DLG2: variants seen among roughly 807,000 people sequenced by gnomAD.
The protein encoded by DLG2 is discs large MAGUK scaffold protein 2, also known as disks large homolog 2.
Under a neutral mutation model 132.5 loss-of-function variants are expected in DLG2, and 45 were observed. The observed-to-expected ratio is 0.34, with a 90% confidence interval of 0.27 to 0.44. The LOEUF (loss-of-function observed/expected upper bound fraction) is 0.44, where lower values mean the gene tolerates loss of function less well. Ranked by LOEUF, DLG2 falls within the 20% of genes least tolerant of loss-of-function variation. DLG2 has a pLI of 1.00. For synonymous variants in DLG2, 424 were observed against 419.6 expected, an observed-to-expected ratio of 1.01 and a Z score of -0.13; for missense variants, 1,045 against 1,196.9, an observed-to-expected ratio of 0.87 and a Z score of 1.87.
At chr11:84,824,734 A>C (rs2078120231) in intron 6 of DLG2, among the ~76,000 whole-genome samples, 1 of 151,886 alleles carries the variant, frequency 6.6e-6, no homozygotes, top group Admixed American at 6.6e-5. Context: ...TGTTGTGAAG[A>C]CCACATAGGC....
chr11:84,956,809 C>A (rs1471072599), intron 6 of DLG2, among the ~76,000 whole-genome samples: 3 of 152,082 alleles, frequency 2.0e-5, no homozygotes, highest in Admixed American at 6.5e-5. Flanking sequence ...AAACATGCTA[C>A]CATGTGAAGT....
chr11:84,582,032 G>A (rs928565857), intron 6 of DLG2, among the ~76,000 whole-genome samples: 16 of 152,036 alleles, frequency 1.1e-4, no homozygotes, highest in African/African-American at 3.6e-4. Context: ...TAAAGTAACT[G>A]GAACCTACTA....
intron 7 of DLG2, among the ~76,000 whole-genome samples, chr11:84,392,404 C>A (rs1567509697): frequency 6.6e-6 from 1 of 152,080 alleles, no homozygotes; most frequent in African/African-American, 2.4e-5. Flanking sequence ...TACTAGAACC[C>A]CTCAAAGCAA....
chr11:83,742,972 C>T (rs2092643065), intron 18 of DLG2, among the ~76,000 whole-genome samples: 4 of 152,090 alleles, frequency 2.6e-5, no homozygotes. Context: ...CACAGGAACA[C>T]AAACAAAGTA....
At chr11:84,938,881 A>G (rs1232567329) in intron 6 of DLG2, among the ~76,000 whole-genome samples, 3 of 152,240 alleles carry the variant, frequency 2.0e-5, no homozygotes, top group Non-Finnish European at 4.4e-5. Flanking sequence ...ATAAACATAG[A>G]TAAATATAAC....
intron 6 of DLG2, among the ~76,000 whole-genome samples, chr11:84,876,661 G>A (rs1217010406): frequency 4.6e-5 from 7 of 151,992 alleles, no homozygotes; most frequent in African/African-American, 4.8e-5. Context: ...TTTTTGAAGG[G>A]TTTTCCCTGT....
At chr11:84,456,390 G>A (rs2099065421) in intron 7 of DLG2, among the ~76,000 whole-genome samples, 1 of 151,196 alleles carries the variant, frequency 6.6e-6, no homozygotes, top group East Asian at 1.9e-4. Context: ...CCATAATGAT[G>A]ATAAATAACA....
chr11:85,427,015 G>A (rs1339180576), intron 3 of DLG2, among the ~76,000 whole-genome samples: 1 of 152,200 alleles, frequency 6.6e-6, no homozygotes, highest in African/African-American at 2.4e-5. Context: ...TCAACTGTAA[G>A]AAAGCGTATC....
chr11:84,415,110 G>C (rs2098924667), intron 7 of DLG2, among the ~76,000 whole-genome samples: 1 of 152,140 alleles, frequency 6.6e-6, no homozygotes, highest in South Asian at 2.1e-4. Context: ...TTCCCCTAAA[G>C]GCAAACAGCT....
intron 8 of DLG2, among the ~76,000 whole-genome samples, chr11:84,229,890 C>A (rs1049182263): frequency 1.3e-5 from 2 of 152,130 alleles, no homozygotes; most frequent in Non-Finnish European, 2.9e-5. Context: ...ACTGAGTAAG[C>A]ACTCAATAAA....
At chr11:83,552,281 T>A (rs1179735457) in intron 19 of DLG2, among the ~76,000 whole-genome samples, 1 of 152,114 alleles carries the variant, frequency 6.6e-6, no homozygotes, top group Non-Finnish European at 1.5e-5. Flanking sequence ...GGGTGTTTTT[T>A]AAGGTAGGAC....
intron 6 of DLG2, among the ~76,000 whole-genome samples, chr11:84,582,864 T>C (rs951478375): frequency 6.6e-6 from 1 of 152,212 alleles, no homozygotes; most frequent in African/African-American, 2.4e-5. Flanking sequence ...CACAATCTTA[T>C]CCTTGCAGGT....
chr11:84,344,419 T>C (rs2098529935), intron 7 of DLG2, among the ~76,000 whole-genome samples: 1 of 152,184 alleles, frequency 6.6e-6, no homozygotes, highest in Non-Finnish European at 1.5e-5. Flanking sequence ...CTATCTACTA[T>C]TATTGTTGTT....
intron 8 of DLG2, among the ~76,000 whole-genome samples, chr11:84,239,966 G>A (rs777193107): frequency 9.2e-5 from 14 of 152,252 alleles, no homozygotes; most frequent in Non-Finnish European, 1.3e-4. Context: ...ATAATAACGG[G>A]ATCCCTCACT....
At chr11:85,449,126 G>T (rs879378064) in intron 3 of DLG2, among the ~76,000 whole-genome samples, 6 of 151,734 alleles carry the variant, frequency 4.0e-5, no homozygotes, top group Admixed American at 6.6e-5. Context: ...TTGGATACTT[G>T]GCTTATTAAT....
intron 14 of DLG2, among the ~76,000 whole-genome samples, chr11:83,933,461 C>G (rs185037548): frequency 6.6e-6 from 1 of 152,314 alleles, no homozygotes; most frequent in East Asian, 1.9e-4. Flanking sequence ...TGTAGCTCAT[C>G]TGCTGAGCCA....
intron 3 of DLG2, among the ~76,000 whole-genome samples, chr11:85,506,871 T>C (rs2093947389): frequency 6.6e-6 from 1 of 152,066 alleles, no homozygotes; most frequent in African/African-American, 2.4e-5. Context: ...TGTAGATCTC[T>C]AAGGACTTGC....
intron 14 of DLG2, among the ~76,000 whole-genome samples, chr11:83,932,514 G>A (rs891636577): frequency 7.2e-5 from 11 of 152,264 alleles, no homozygotes; most frequent in Non-Finnish European, 1.0e-4. Flanking sequence ...GATTACAGGC[G>A]TGAGCCACCG....
intron 9 of DLG2, among the ~76,000 whole-genome samples, chr11:84,144,837 C>G (rs989808821): frequency 5.3e-5 from 8 of 151,802 alleles, no homozygotes; most frequent in African/African-American, 1.9e-4. Context: ...TTTTGCCAGC[C>G]TGAGAGTTAA....
Sources: allele counts gnomAD v4.1 joint callset (sites outside exome capture counted in the v4.1 genomes callset), GRCh38; gene constraint gnomAD v4.1.1; transcripts MANE v1.5; gene names NCBI Gene and HGNC (gene_info 2026-07-23, HGNC 2026-07-21).